The following COL23A1 variants were observed in gnomAD, a reference collection of about 807,000 sequenced individuals.
COL23A1 encodes the protein collagen alpha-1(XXIII) chain.
COL23A1 carries 97 observed loss-of-function variants against 99.3 expected under a neutral mutation model. That is an observed-to-expected ratio of 0.98 (90% CI 0.83 to 1.16). The LOEUF (loss-of-function observed/expected upper bound fraction) is 1.16, where lower values mean the gene tolerates loss of function less well. Ranked by LOEUF, COL23A1 falls within the 50% of genes most tolerant of loss-of-function variation. COL23A1 has a pLI of 0.00. For synonymous variants in COL23A1, 320 were observed against 308.2 expected (o/e 1.04, Z -0.40); for missense variants, 762 against 757.4 (o/e 1.01, Z -0.07).
intron 2 of COL23A1, among the ~76,000 whole-genome samples, chr5:178,364,472 G>C (rs888883276): frequency 6.6e-6 from 1 of 152,072 alleles, no homozygotes; most frequent in South Asian, 2.1e-4. Context: ...CCTGTGCAGA[G>C]AGTACTCAGC....
intron 2 of COL23A1, among the ~76,000 whole-genome samples, chr5:178,524,352 C>T (rs1179215050): frequency 6.6e-6 from 1 of 152,162 alleles, no homozygotes; most frequent in Non-Finnish European, 1.5e-5. Flanking sequence ...TCAGAAGTTC[C>T]AGGAAAATCC....
chr5:178,408,525 A>G (rs1420121551), intron 2 of COL23A1, among the ~76,000 whole-genome samples: 2 of 152,212 alleles, frequency 1.3e-5, no homozygotes, highest in African/African-American at 4.8e-5. Flanking sequence ...ATTTAAGATA[A>G]TTATGTAACA....
At chr5:178,298,368 A>C (rs531170078) in intron 3 of COL23A1, among the ~76,000 whole-genome samples, 1 of 152,244 alleles carries the variant, frequency 6.6e-6, no homozygotes, top group African/African-American at 2.4e-5. Flanking sequence ...TGCCCACCTT[A>C]AGCTCTTAGC....
rs939049093 is a variant in COL23A1, at chr5:178,313,435, C to T, written c.362-6516G>A. ...GCTACCCCTGAGCGAGGCTGTGAGC[C>T]GGGCCGTCCTGATGGAGACTGTGGG... On this transcript the variant is annotated intron_variant, in intron 2 of 28. Coordinates refer to ENST00000390654, the MANE Select transcript of COL23A1 (RefSeq NM_173465.4). This position sits in a 1 kb window ranked among gnomAD's most constrained non-coding sequence, Gnocchi z 4.2. Among the ~76,000 whole-genome samples, 9 of 152,194 alleles carry T rather than the reference C, an allele frequency of 5.9e-5. No individual in the cohort carries two copies. The highest frequency in any genetic ancestry group is 1.0e-4 in the Non-Finnish European group (7 of 68,036).
intron 2 of COL23A1, chr5:178,443,141 C>A: frequency 6.6e-6 from 1 of 152,426 alleles, no homozygotes. Context: ...CCCCACCCAC[C>A]TACAGCGTTT....
At chr5:178,521,197 G>A (rs1759921215) in intron 2 of COL23A1, among the ~76,000 whole-genome samples, 1 of 152,154 alleles carries the variant, frequency 6.6e-6, no homozygotes, top group African/African-American at 2.4e-5. Context: ...TCATATATGT[G>A]GTACATCGTT....
rs150013493 is a variant in COL23A1, at chr5:178,416,089, CCATTCATT to C, written c.362-109178_362-109171del. Among the ~76,000 whole-genome samples, 6 of 152,208 alleles carry C rather than the reference CCATTCATT, an allele frequency of 3.9e-5. No individual in the cohort carries two copies. In the South Asian group the frequency reaches 6.2e-4, roughly 16 times the overall value. ...CCATTCTCACTGAGTCTAAACCCTC[CCATTCATT>C]CATTCATTCATTCATTCGCTCGTTG... On this transcript the variant is annotated intron_variant, in intron 2 of 28. Coordinates refer to ENST00000390654, the MANE Select transcript of COL23A1 (RefSeq NM_173465.4).
At chr5:178,343,957 G>A (rs552760992) in intron 2 of COL23A1, among the ~76,000 whole-genome samples, 120 of 152,146 alleles carry the variant, frequency 7.9e-4, no homozygotes, top group Non-Finnish European at 1.2e-3. Context: ...CACCGTACCC[G>A]GCCTAAAATG....
chr5:178,429,319 C>G (rs897402204), intron 2 of COL23A1, among the ~76,000 whole-genome samples: 1 of 152,164 alleles, frequency 6.6e-6, no homozygotes, highest in African/African-American at 2.4e-5. Context: ...ACCCCACGAG[C>G]GAAGGGCCCC....
intron 16 of COL23A1, 93 bp downstream of exon 16, chr5:178,254,856 G>A: frequency 8.8e-7 from 1 of 1,133,444 alleles, no homozygotes; most frequent in Non-Finnish European, 1.3e-6. Context: ...GGTCCCTTGT[G>A]TAAAAAAGTG....
chr5:178,449,833 G>A (rs555901871), intron 2 of COL23A1, among the ~76,000 whole-genome samples: 41 of 152,176 alleles, frequency 2.7e-4, no homozygotes, highest in African/African-American at 9.2e-4. Flanking sequence ...ATCCAGCGCC[G>A]GTTAGTAAGT....
intron 25 of COL23A1, among the ~76,000 whole-genome samples, chr5:178,244,187 C>T (rs1299697917): frequency 1.3e-5 from 2 of 149,626 alleles, no homozygotes; most frequent in African/African-American, 4.9e-5. Flanking sequence ...GACAGGGTTT[C>T]ACCGTGTTAG....
chr5:178,444,971 A>C (rs1767078748), intron 2 of COL23A1, among the ~76,000 whole-genome samples: 2 of 152,248 alleles, frequency 1.3e-5, no homozygotes, highest in African/African-American at 4.8e-5. Flanking sequence ...TCTCTGGTAC[A>C]TCACGTGTGT....
intron 2 of COL23A1, among the ~76,000 whole-genome samples, chr5:178,498,956 G>A (rs904876197): frequency 6.6e-6 from 1 of 151,998 alleles, no homozygotes; most frequent in African/African-American, 2.4e-5. Flanking sequence ...CAGACATGGT[G>A]GTCCTTGCCT....
chr5:178,451,779 T>C (rs550640693), intron 2 of COL23A1, among the ~76,000 whole-genome samples: 5 of 152,196 alleles, frequency 3.3e-5, no homozygotes, highest in African/African-American at 9.6e-5. Flanking sequence ...GACTATTTTA[T>C]TCTAAAATAC....
At chr5:178,482,038 C>T (rs1317592713) in intron 2 of COL23A1, among the ~76,000 whole-genome samples, 5 of 144,634 alleles carry the variant, frequency 3.5e-5, no homozygotes, top group South Asian at 2.2e-4. Flanking sequence ...AAAAAAAAGG[C>T]GCAGCTGCTG....
At chr5:178,403,082 C>T (rs1764538852) in intron 2 of COL23A1, among the ~76,000 whole-genome samples, 1 of 129,762 alleles carries the variant, frequency 7.7e-6, no homozygotes, top group Non-Finnish European at 1.6e-5. Context: ...GCACTCCAGC[C>T]TGGGCAACAG....
chr5:178,461,318 C>A (rs1191904812), intron 2 of COL23A1, among the ~76,000 whole-genome samples: 1 of 152,200 alleles, frequency 6.6e-6, no homozygotes, highest in African/African-American at 2.4e-5. Flanking sequence ...CAAGGGGCAG[C>A]CGCGGCAAAG....
At chr5:178,524,892 G>A (rs982835092) in intron 2 of COL23A1, among the ~76,000 whole-genome samples, 1 of 152,140 alleles carries the variant, frequency 6.6e-6, no homozygotes, top group African/African-American at 2.4e-5. Flanking sequence ...CAGCTGTCTG[G>A]GAGCCCAGCA....
Sources: allele counts gnomAD v4.1 joint callset (sites outside exome capture counted in the v4.1 genomes callset), GRCh38; gene constraint gnomAD v4.1.1; non-coding constraint Gnocchi (gnomAD v3.1); transcripts MANE v1.5; gene names NCBI Gene and HGNC (gene_info 2026-07-23, HGNC 2026-07-21).